The following SDC4 variants were observed in gnomAD, a reference collection of about 807,000 sequenced individuals.
The protein encoded by SDC4 is syndecan-4.
SDC4 carries 17 observed loss-of-function variants against 20.5 expected under a neutral mutation model. That is an observed-to-expected ratio of 0.83 (90% CI 0.57 to 1.25). SDC4 has a LOEUF of 1.25. Among genes scored for constraint, SDC4 ranks in the 50% most tolerant of loss-of-function variants. The pLI, the probability that SDC4 is intolerant of heterozygous loss-of-function variation, is 0.00. For missense variants in SDC4, 241 were observed against 252.3 expected (o/e 0.96, Z 0.30); for synonymous variants, 107 against 105.3 (o/e 1.02, Z -0.10).
At chr20:45,335,737 T>TC (rs1295872760) in intron 2 of SDC4, 45 bp downstream of exon 2, 1 of 1,589,418 alleles carries the variant, frequency 6.3e-7, no homozygotes, top group South Asian at 1.1e-5. Flanking sequence ...AAGCCACCAC[T>TC]CCCTCCAGCT....
chr20:45,347,306 GC>G (rs1988046132), intron 1 of SDC4, among the ~76,000 whole-genome samples: 1 of 152,146 alleles, frequency 6.6e-6, no homozygotes. Context: ...GAAAACTGGG[GC>G]TAAAGGGCAC....
In SDC4 at chr20:45,327,234, A is replaced by G. The variant is rs529417324; in HGVS notation, c.*30T>C. On this transcript the variant is annotated 3_prime_UTR_variant, in exon 5 of 5. Coordinates refer to ENST00000372733, the MANE Select transcript of SDC4 (RefSeq NM_002999.4). ...AAATCCCCTGGCTTCCCTCCCCGCT[A>G]AAGTCCAAGCCAGTGCCCACAAGCA... 13 of 1,612,064 alleles carry G rather than the reference A, an allele frequency of 8.1e-6. No homozygotes were observed. The highest frequency in any genetic ancestry group is 5.3e-5 in the African/African-American group (4 of 74,976).
At chr20:45,348,255 C>G in intron 1 of SDC4, 70 bp downstream of exon 1, 1 of 1,322,292 alleles carries the variant, frequency 7.6e-7, no homozygotes, top group Non-Finnish European at 1.1e-6. Context: ...ATCCCACGCT[C>G]CGACGAACAA....
chr20:45,328,885 CTT>C (rs1987734499), intron 4 of SDC4, among the ~76,000 whole-genome samples: 1 of 152,178 alleles, frequency 6.6e-6, no homozygotes, highest in African/African-American at 2.4e-5. Flanking sequence ...CAACCCCATT[CTT>C]GTCTCTATCA....
intron 2 of SDC4, among the ~76,000 whole-genome samples, chr20:45,334,798 T>G (rs1030933831): frequency 6.6e-6 from 1 of 150,594 alleles, no homozygotes; most frequent in Non-Finnish European, 1.5e-5. Context: ...TAAAATTTAT[T>G]TTTTTTTTAA....
At position 45,325,634 on chromosome 20, in the gene SDC4, C is replaced by CT. The variant is rs112551092; in HGVS notation, c.*1629_*1630insA. The CT allele has an allele frequency of 0.65, 93,672 of 144,876 alleles. 30,563 individuals are homozygous for CT. Among genetic ancestry groups the CT allele is most frequent in the East Asian group, 0.88 (4,113 of 4,696 alleles). 9.0% of individuals were successfully genotyped at this position (144,876 alleles called of 1,614,324 possible). ...CATCAGCCCTCCCCCATTCCCCCCC[C>CT]CCTACCCAGGGAGACAAGGGTCGTC... On this transcript the variant is annotated 3_prime_UTR_variant, in exon 5 of 5. Transcript: ENST00000372733.
In SDC4 at chr20:45,326,221, T is replaced by C. The variant is rs1231242559; in HGVS notation, c.*1043A>G. 3 of 146,096 alleles carry C rather than the reference T, an allele frequency of 2.1e-5. No individual in the cohort carries two copies. Among genetic ancestry groups the C allele is most frequent in the East Asian group, 3.9e-4 (2 of 5,164 alleles). 9.0% of individuals were successfully genotyped at this position (146,096 alleles called of 1,614,324 possible). A position where few individuals can be genotyped will look rare whatever the true frequency, so the allele number is the denominator to read the frequency against. ...TTTGGGATCTGCTAAAAAAAAACTA[T>C]GTTTCGGCAAAAGCTATTTTATAAG... On this transcript the variant is annotated 3_prime_UTR_variant, in exon 5 of 5. Coordinates refer to ENST00000372733, the MANE Select transcript of SDC4 (RefSeq NM_002999.4).
At position 45,326,134 on chromosome 20, in the gene SDC4, G is replaced by A. The variant is rs932447415; in HGVS notation, c.*1130C>T. On this transcript the variant is annotated 3_prime_UTR_variant, in exon 5 of 5. Coordinates refer to ENST00000372733, the MANE Select transcript of SDC4 (RefSeq NM_002999.4). ...ATTTATCTATTTTTCTAGAACCAAGGAAGAATAATAATATATTATAAGAAC... is the reference window on the plus strand; with the variant it reads ...ATTTATCTATTTTTCTAGAACCAAGAAAGAATAATAATATATTATAAGAAC... 1.3e-5 allele frequency: 2 copies of A among 149,820 alleles called. No homozygotes were observed. The highest frequency in any genetic ancestry group is 4.9e-5 in the African/African-American group (2 of 41,138). 9.3% of individuals were successfully genotyped at this position (149,820 alleles called of 1,614,324 possible).
intron 1 of SDC4, among the ~76,000 whole-genome samples, chr20:45,340,947 C>A (rs1987944777): frequency 6.6e-6 from 1 of 152,220 alleles, no homozygotes; most frequent in Non-Finnish European, 1.5e-5. Flanking sequence ...AACTGTGACT[C>A]TACCACCCAG....
At chr20:45,328,625 TC>T (rs1568903375) in intron 4 of SDC4, among the ~76,000 whole-genome samples, 1 of 152,104 alleles carries the variant, frequency 6.6e-6, no homozygotes, top group East Asian at 1.9e-4. Context: ...AATGACTCAT[TC>T]CTGTTTGCTA....
At chr20:45,336,067 C>CT (rs3830725) in intron 1 of SDC4, 147 bp from the exon 2 acceptor site, 163,670 of 720,048 alleles carry the variant, frequency 0.23, 20,184 homozygotes, top group East Asian at 0.38. Flanking sequence ...CACTCTACCT[C>CT]TAACTCACCG....
At chr20:45,348,078 C>T (rs1402291040) in intron 1 of SDC4, among the ~76,000 whole-genome samples, 3 of 152,220 alleles carry the variant, frequency 2.0e-5, no homozygotes, top group East Asian at 3.9e-4. Flanking sequence ...CCGTAGCCCG[C>T]GGCGGGGCTG....
At chr20:45,344,219 A>G (rs746591128) in intron 1 of SDC4, among the ~76,000 whole-genome samples, 19 of 152,190 alleles carry the variant, frequency 1.2e-4, no homozygotes, top group Admixed American at 9.2e-4. Flanking sequence ...TGCACAATGT[A>G]CAATGTCAAA....
At chr20:45,343,502 T>A (rs1339515852) in intron 1 of SDC4, among the ~76,000 whole-genome samples, 2 of 152,156 alleles carry the variant, frequency 1.3e-5, no homozygotes, top group Non-Finnish European at 2.9e-5. Flanking sequence ...CTGTTCAGCA[T>A]GAGGCTCCAG....
At chr20:45,342,745 A>G in intron 1 of SDC4, among the ~76,000 whole-genome samples, 1 of 152,142 alleles carries the variant, frequency 6.6e-6, no homozygotes, top group South Asian at 2.1e-4. Context: ...GCCAGAAAGA[A>G]CTGCTGAGAT....
At chr20:45,342,902 C>A (rs2251258) in intron 1 of SDC4, among the ~76,000 whole-genome samples, 1 of 151,976 alleles carries the variant, frequency 6.6e-6, no homozygotes, top group African/African-American at 2.4e-5. Context: ...TAAGAACCCT[C>A]GTCTAGGTGC....
At chr20:45,342,191 C>T (rs185859988) in intron 1 of SDC4, among the ~76,000 whole-genome samples, 39 of 152,318 alleles carry the variant, frequency 2.6e-4, no homozygotes, top group African/African-American at 8.7e-4. Flanking sequence ...AGAGAGCCCA[C>T]GCTGCAGCCT....
At chr20:45,328,252 G>C (rs1480915966) in intron 4 of SDC4, among the ~76,000 whole-genome samples, 2 of 152,162 alleles carry the variant, frequency 1.3e-5, no homozygotes, top group Non-Finnish European at 2.9e-5. Context: ...GCTAAGGCCT[G>C]GTTTCCACTC....
chr20:45,339,603 G>T (rs7345468), intron 1 of SDC4, among the ~76,000 whole-genome samples: 1 of 152,224 alleles, frequency 6.6e-6, no homozygotes, highest in African/African-American at 2.4e-5. Context: ...AGCCAAATGT[G>T]GTTGTGCACG....
Sources: allele counts gnomAD v4.1 joint callset (sites outside exome capture counted in the v4.1 genomes callset), GRCh38; gene constraint gnomAD v4.1.1; transcripts MANE v1.5; gene names NCBI Gene and HGNC (gene_info 2026-07-23, HGNC 2026-07-21).